Variants in XKR9 observed in about 807,000 individuals in gnomAD.
The protein encoded by XKR9 is XK-related protein 9.
XKR9 carries 32 observed loss-of-function variants against 32.0 expected under a neutral mutation model. The observed-to-expected ratio is 1.00, with a 90% CI of 0.76 to 1.34. XKR9 has a LOEUF of 1.34. Among genes scored for constraint, XKR9 ranks in the 40% most tolerant of loss-of-function variants. The pLI is 0.00. For missense variants in XKR9, 546 were observed against 429.7 expected, an observed-to-expected ratio of 1.27 and a Z score of -2.39; for synonymous variants, 168 against 143.4, an observed-to-expected ratio of 1.17 and a Z score of -1.22.
chr8:70,967,708 G>A, the XKR9 span, among the ~76,000 whole-genome samples: 17 of 152,040 alleles, frequency 1.1e-4, no homozygotes, highest in African/African-American at 7.2e-5. Flanking sequence ...TGGTTTGGCC[G>A]GATGTGAAAT....
the XKR9 span, among the ~76,000 whole-genome samples, chr8:70,828,175 A>G: frequency 1.3e-5 from 2 of 152,268 alleles, no homozygotes; most frequent in South Asian, 2.1e-4. Context: ...GAAAATTTTG[A>G]AAGCATCAAC....
chr8:70,972,832 C>T, the XKR9 span, among the ~76,000 whole-genome samples: 1 of 151,894 alleles, frequency 6.6e-6, no homozygotes, highest in East Asian at 1.9e-4. Context: ...CATGGTGGAT[C>T]GTCTTTTTGA....
chr8:70,740,430 G>A (rs62530856), downstream of XKR9, among the ~76,000 whole-genome samples: 49,843 of 151,658 alleles, frequency 0.33, 9,281 homozygotes, highest in Non-Finnish European at 0.43. Flanking sequence ...CCTGTAGCTC[G>A]GAGTAGTTTG....
chr8:70,801,147 A>C, the XKR9 span, among the ~76,000 whole-genome samples: 71 of 152,014 alleles, frequency 4.7e-4, no homozygotes, highest in African/African-American at 1.7e-3. Context: ...ATTCATTGAT[A>C]TTTCATATGG....
At chr8:70,929,184 T>C in the XKR9 span, among the ~76,000 whole-genome samples, 10 of 152,182 alleles carry the variant, frequency 6.6e-5, no homozygotes, top group Non-Finnish European at 1.5e-4. Context: ...ACAATAGAAC[T>C]TGTCATGGTG....
At chr8:70,884,401 T>G in the XKR9 span, among the ~76,000 whole-genome samples, 1 of 152,280 alleles carries the variant, frequency 6.6e-6, no homozygotes, top group South Asian at 2.1e-4. Flanking sequence ...TTAATATTTT[T>G]TACAGATGAT....
At chr8:70,958,974 C>T in the XKR9 span, among the ~76,000 whole-genome samples, 3 of 151,954 alleles carry the variant, frequency 2.0e-5, no homozygotes, top group Admixed American at 1.3e-4. Context: ...GCCTATTATA[C>T]AGTAAATCCC....
At chr8:70,800,471 G>A in the XKR9 span, among the ~76,000 whole-genome samples, 1 of 151,984 alleles carries the variant, frequency 6.6e-6, no homozygotes, top group Admixed American at 6.6e-5. Flanking sequence ...GTAGAATTTG[G>A]CTGTAAGTCC....
chr8:71,001,355 G>GA, the XKR9 span, among the ~76,000 whole-genome samples: 1 of 152,052 alleles, frequency 6.6e-6, no homozygotes, highest in Non-Finnish European at 1.5e-5. Flanking sequence ...TCAACTCCCC[G>GA]GGTTCAGGTG....
chr8:70,959,117 G>A, the XKR9 span, among the ~76,000 whole-genome samples: 2 of 152,042 alleles, frequency 1.3e-5, no homozygotes, highest in Admixed American at 6.5e-5. Flanking sequence ...ACAAAGACTT[G>A]TAATCTTCCT....
the XKR9 span, among the ~76,000 whole-genome samples, chr8:70,960,229 G>A: frequency 2.7e-5 from 4 of 148,484 alleles, no homozygotes; most frequent in Non-Finnish European, 4.5e-5. Context: ...TGGGCAAAAA[G>A]AGCAAAACTC....
the XKR9 span, among the ~76,000 whole-genome samples, chr8:70,999,585 GA>G: frequency 6.6e-6 from 1 of 152,086 alleles, no homozygotes; most frequent in Non-Finnish European, 1.5e-5. Flanking sequence ...GTTCATGGTG[GA>G]AAAAAACCCT....
the XKR9 span, among the ~76,000 whole-genome samples, chr8:70,913,836 T>C: frequency 6.6e-6 from 1 of 152,316 alleles, no homozygotes; most frequent in East Asian, 1.9e-4. Flanking sequence ...TGGGATCTTA[T>C]AGTATACTTT....
At chr8:70,961,145 G>A in the XKR9 span, among the ~76,000 whole-genome samples, 1 of 152,020 alleles carries the variant, frequency 6.6e-6, no homozygotes, top group Non-Finnish European at 1.5e-5. Context: ...ATTCCAGGCT[G>A]GACAACAGAA....
At position 70,735,239 on chromosome 8, in the gene XKR9, T is replaced by C. The variant is rs1444926458; in HGVS notation, c.*815T>C. The C allele has an allele frequency of 6.6e-6, 1 of 151,556 alleles. No homozygotes were observed. Among genetic ancestry groups the C allele is most frequent in the African/African-American group, 2.4e-5 (1 of 41,044 alleles). 9.4% of individuals were successfully genotyped at this position (151,556 alleles called of 1,614,324 possible). A position where few individuals can be genotyped will look rare whatever the true frequency, so the allele number is the denominator to read the frequency against. ...TTGTAAAACTAAGATTCTCTATTTA[T>C]TGAACAAATCCCCATTTCCTCCTTC... On this transcript the variant is annotated 3_prime_UTR_variant, in exon 5 of 5. Coordinates refer to ENST00000408926, the MANE Select transcript of XKR9 (RefSeq NM_001011720.2).
chr8:70,982,607 C>A, the XKR9 span, among the ~76,000 whole-genome samples: 1 of 152,210 alleles, frequency 6.6e-6, no homozygotes, highest in African/African-American at 2.4e-5. Context: ...TTGCCCCAGA[C>A]CATGAGCCTC....
chr8:70,811,511 T>A, the XKR9 span, among the ~76,000 whole-genome samples: 1 of 152,144 alleles, frequency 6.6e-6, no homozygotes, highest in Non-Finnish European at 1.5e-5. Flanking sequence ...AGCTGGTTTT[T>A]TGAAAAGATC....
the XKR9 span, among the ~76,000 whole-genome samples, chr8:71,065,369 G>A: frequency 2.6e-5 from 4 of 152,164 alleles, no homozygotes; most frequent in African/African-American, 4.8e-5. Context: ...GAAAGGCCAC[G>A]TGAGGACACA....
At chr8:71,021,504 T>C in the XKR9 span, among the ~76,000 whole-genome samples, 1,099 of 142,476 alleles carry the variant, frequency 7.7e-3, 7 homozygotes, top group Non-Finnish European at 0.013. Flanking sequence ...GTTTCTTTTT[T>C]TTTTTTTTTT....
Sources: allele counts gnomAD v4.1 joint callset (sites outside exome capture counted in the v4.1 genomes callset), GRCh38; gene constraint gnomAD v4.1.1; transcripts MANE v1.5; gene names NCBI Gene and HGNC (gene_info 2026-07-23, HGNC 2026-07-21).